ZDHHC4: variants seen among roughly 807,000 people sequenced by gnomAD.
The protein encoded by ZDHHC4 is palmitoyltransferase ZDHHC4.
A neutral mutation model predicts 36.7 loss-of-function variants in ZDHHC4; 42 were observed. The observed-to-expected ratio is 1.14, with a 90% CI of 0.89 to 1.48. ZDHHC4 has a LOEUF of 1.48. Among genes scored for constraint, ZDHHC4 ranks in the 40% most tolerant of loss-of-function variants. The pLI is 0.00. For synonymous variants in ZDHHC4, 189 were observed against 166.6 expected (o/e 1.13, Z -1.03); for missense variants, 457 against 421.5 (o/e 1.08, Z -0.74).
chr7:6,585,125 G>A lies in ZDHHC4; in HGVS notation c.606G>A (p.Thr202=), dbSNP rs200060887. Residue 202 remains threonine, a synonymous_variant, in exon 7 of 8, where the codon ACG becomes ACA. Transcript: ENST00000335965. ...RYFLIYVLTL[T]ASAATVAIVS... is the part of the protein sequence containing the mutation. ...TCCTCATCTACGTCTTGACCTTGAC[G>A]GCCTCGGCTGCCACCGTCGCCATTG... 1.5e-5 allele frequency: 25 copies of A among 1,614,054 alleles called. No homozygotes were observed. In the East Asian group the frequency reaches 3.1e-4, roughly 20 times the overall value.
chr7:6,582,611 G>A (rs750585883), intron 5 of ZDHHC4, among the ~76,000 whole-genome samples: 1 of 152,094 alleles, frequency 6.6e-6, no homozygotes, highest in Non-Finnish European at 1.5e-5. Context: ...TCCGCCTCCC[G>A]GGTTCAAGGG....
rs189025943 is a variant in ZDHHC4 at position 6,584,974 on chromosome 7, G to C, written c.497-42G>C. 5.0e-4 allele frequency: 812 copies of C among 1,609,226 alleles called. 4 individuals carry two copies. The African/African-American group carries it at 9.4e-3, about 19-fold the overall frequency. Reference sequence around the variant, plus strand: ...AGCAGGTGTGCGGTGTCCTTGTCTCGTCAAGCACCATCCCAGCACGTGCCC... The same window carrying C: ...AGCAGGTGTGCGGTGTCCTTGTCTCCTCAAGCACCATCCCAGCACGTGCCC... On this transcript the variant is annotated intron_variant, in intron 6 of 7. Coordinates refer to ENST00000335965, the MANE Select transcript of ZDHHC4 (RefSeq NM_001134389.2).
intron 3 of ZDHHC4, chr7:6,581,205 A>C: frequency 4.0e-6 from 1 of 252,570 alleles, no homozygotes; most frequent in South Asian, 4.6e-5. Context: ...AGTGAGCAAA[A>C]CGGGGCAAGC....
chr7:6,580,849 G>C (rs1345811687), intron 3 of ZDHHC4, 171 bp downstream of exon 3: 2 of 636,836 alleles, frequency 3.1e-6, no homozygotes, highest in East Asian at 2.8e-5. Context: ...CCAGGAGTCT[G>C]AAGTTGCCAT....
rs1431263165 is a variant in ZDHHC4, at chr7:6,583,341, CAT to C, written c.407_408del (p.His136ArgfsTer3). The C allele has an allele frequency of 6.2e-7, 1 of 1,613,790 alleles. No homozygotes were observed. The highest frequency in any genetic ancestry group is 8.5e-7 in the Non-Finnish European group (1 of 1,179,900). ...AAAAGCAAATGAATTATTATTTCTT[CAT>C]GTTTATGAATTTGATGAAGTGATGT... The part of the protein sequence containing the change: ...ITKANELLFL[H>X]VYEFDEVMFP... On this transcript the variant is annotated frameshift_variant, in exon 6 of 8. Transcript: ENST00000335965. LOFTEE classifies it high-confidence loss of function.
At chr7:6,583,127 C>T (rs6949926) in intron 5 of ZDHHC4, among the ~76,000 whole-genome samples, 179 bp from the exon 6 acceptor site, 72,661 of 151,686 alleles carry the variant, frequency 0.48, 17,953 homozygotes, top group Non-Finnish European at 0.55. Context: ...TTGCAGTGAG[C>T]CAAGATCATG....
At position 6,588,885 on chromosome 7, in the gene ZDHHC4, G is replaced by A. The variant is rs936615934; in HGVS notation, c.1010G>A (p.Cys337Tyr). ...GAGATCTTTCTACCTGCCTTTCCAT[G>A]TCATGAGAGGAAGAAACAAGAATGA... ...LQEIFLPAFPCHERKKQE is the reference protein window; with the variant it reads ...LQEIFLPAFPYHERKKQE The change falls in exon 8 of 8, where the codon TGT (cysteine) becomes TAT (tyrosine). Residue 337 changes from cysteine to tyrosine, a missense_variant. Coordinates refer to ENST00000335965, the MANE Select transcript of ZDHHC4 (RefSeq NM_001134389.2). 1.2e-6 allele frequency: 2 copies of A among 1,607,606 alleles called. No individual in the cohort carries two copies. Among genetic ancestry groups the A allele is most frequent in the Non-Finnish European group, 1.7e-6 (2 of 1,174,562 alleles).
intron 7 of ZDHHC4, 121 bp from the exon 8 acceptor site, chr7:6,588,496 A>C: frequency 9.9e-7 from 1 of 1,011,506 alleles, no homozygotes; most frequent in Non-Finnish European, 1.5e-6. Flanking sequence ...ACATCTGGAC[A>C]CAAGTAGGTG....
Position 6,583,336 on chromosome 7 carries a change from T to A in ZDHHC4, c.401T>A (p.Phe134Tyr), listed in dbSNP as rs1166215723. The change falls in exon 6 of 8, where the codon TTT becomes TAT. Residue 134 changes from phenylalanine to tyrosine, a missense_variant. Transcript: ENST00000335965. ...ATAACAAAAGCAAATGAATTATTAT[T>A]TCTTCATGTTTATGAATTTGATGAA... ...GIITKANELL[F>Y]LHVYEFDEVM... 1 of 1,613,754 alleles carries A rather than the reference T, an allele frequency of 6.2e-7. No homozygotes were observed. The highest frequency in any genetic ancestry group is 1.3e-5 in the African/African-American group (1 of 74,950).
chr7:6,583,242 G>A (rs528729557), intron 5 of ZDHHC4, 64 bp from the exon 6 acceptor site: 8 of 1,565,202 alleles, frequency 5.1e-6, no homozygotes, highest in African/African-American at 1.4e-5. Context: ...TTATCAGGAC[G>A]GGTTTTGTGA....
Position 6,582,202 on chromosome 7 carries a change from G to A in ZDHHC4, c.321G>A (p.Leu107=). The A allele has an allele frequency of 6.2e-7, 1 of 1,614,130 alleles. No homozygotes were observed. The highest frequency in any genetic ancestry group is 2.2e-5 in the East Asian group (1 of 44,878). The part of the protein sequence containing the change: ...SLHYLLLPYL[L]LGVNLFFFTL... ...ATTACCTTCTTCTGCCCTATCTGCT[G>A]CTAGGTGTAAACCTGTTTTTTTTCA... The change falls in exon 5 of 8, where the codon CTG becomes CTA. Residue 107 remains leucine, a synonymous_variant. Transcript: ENST00000335965.
intron 5 of ZDHHC4, 119 bp from the exon 6 acceptor site, chr7:6,583,187 A>AAAAG (rs964689879): frequency 9.8e-6 from 12 of 1,227,052 alleles, no homozygotes; most frequent in African/African-American, 1.5e-5. Flanking sequence ...CAAAAAAAAA[A>AAAAG]AAAGAATTAC....
intron 6 of ZDHHC4, chr7:6,583,799 G>A: frequency 6.1e-6 from 1 of 165,210 alleles, no homozygotes; most frequent in Non-Finnish European, 1.3e-5. Context: ...GAATGTGGCT[G>A]GGCGCAGCGG....
Position 6,583,355 on chromosome 7 carries a change from TG to T in ZDHHC4, c.421del (p.Asp141MetfsTer3). 1 of 1,613,846 alleles carries T rather than the reference TG, an allele frequency of 6.2e-7. No homozygotes were observed. The highest frequency in any genetic ancestry group is 8.5e-7 in the Non-Finnish European group (1 of 1,179,882). ...TATTATTTCTTCATGTTTATGAATT[TG>T]ATGAAGTGATGTTTCCAAAGAACGT... Reference protein sequence around the residue: ...ELLFLHVYEFDEVMFPKNVRC... With the variant: ...ELLFLHVYEFXEVMFPKNVRC... On this transcript the variant is annotated frameshift_variant, in exon 6 of 8. Transcript: ENST00000335965. LOFTEE classifies it high-confidence loss of function.
In ZDHHC4 at chr7:6,582,128, T is replaced by G. The variant is rs749423902; in HGVS notation, c.247T>G (p.Tyr83Asp). Residue 83 changes from tyrosine to aspartate, a missense_variant, in exon 5 of 8, where the codon TAC becomes GAC. Coordinates refer to ENST00000335965, the MANE Select transcript of ZDHHC4 (RefSeq NM_001134389.2). The part of the protein sequence containing the change: ...LVLQGMVYTE[Y>D]TWEVFGYCQE... ...CTTGCAAGGGATGGTTTATACTGAG[T>G]ACACCTGGGAAGTATTTGGCTACTG... 1 of 1,614,220 alleles carries G rather than the reference T, an allele frequency of 6.2e-7. No homozygotes were observed. The highest frequency in any genetic ancestry group is 8.5e-7 in the Non-Finnish European group (1 of 1,180,044).
intron 5 of ZDHHC4, among the ~76,000 whole-genome samples, chr7:6,582,506 G>C (rs4075107): frequency 0.32 from 48,852 of 151,802 alleles, 8,142 homozygotes; most frequent in African/African-American, 0.4. Flanking sequence ...GCATGTGATC[G>C]GTATGGTACT....
intron 7 of ZDHHC4, 29 bp downstream of exon 7, chr7:6,585,289 A>T (rs888010452): frequency 6.3e-7 from 1 of 1,598,610 alleles, no homozygotes; most frequent in Non-Finnish European, 8.5e-7. Context: ...TCTGACTTCA[A>T]GTTTCAGAAT....
rs577698632 is a variant in ZDHHC4 at position 6,582,600 on chromosome 7, C to T, written c.370+349C>T. ...TGAGGCGATCTCAGCTCGCTGCAAC[C>T]TCCGCCTCCCGGGTTCAAGGGATTC... On this transcript the variant is annotated intron_variant, in intron 5 of 7. Transcript: ENST00000335965. Among the ~76,000 whole-genome samples the T allele has an allele frequency of 5.3e-5, 8 of 152,268 alleles. No individual in the cohort carries two copies. The South Asian group carries it at 1.7e-3, about 32-fold the overall frequency.
Position 6,588,805 on chromosome 7 carries a change from A to G in ZDHHC4, c.930A>G (p.Ala310=). ...RCPLVAWPPS[A]EPQVHRNIHS... ...CCCTTGTGGCCTGGCCTCCGTCAGC[A>G]GAGCCCCAAGTCCACCGGAACATTC... The change falls in exon 8 of 8, where the codon GCA becomes GCG. Residue 310 remains alanine (A), a synonymous_variant. Coordinates refer to ENST00000335965, the MANE Select transcript of ZDHHC4 (RefSeq NM_001134389.2). 1 of 1,614,180 alleles carries G rather than the reference A, an allele frequency of 6.2e-7. No individual in the cohort carries two copies. The highest frequency in any genetic ancestry group is 8.5e-7 in the Non-Finnish European group (1 of 1,180,034).
Sources: allele counts gnomAD v4.1 joint callset (sites outside exome capture counted in the v4.1 genomes callset), GRCh38; gene constraint gnomAD v4.1.1; transcripts MANE v1.5; gene names NCBI Gene and HGNC (gene_info 2026-07-23, HGNC 2026-07-21).